Variants in DNA2 observed in about 807,000 individuals in gnomAD.
DNA2 encodes the protein DNA replication helicase/nuclease 2.
A neutral mutation model predicts 119.1 loss-of-function variants in DNA2; 101 were observed. That is an observed-to-expected ratio of 0.85 (90% CI 0.72 to 1.00). DNA2 has a LOEUF of 1.00. DNA2 is among the 50% of genes least tolerant of loss of function. The pLI, the probability that DNA2 is intolerant of heterozygous loss-of-function variation, is 0.00. For missense variants in DNA2, 1,121 were observed against 1,255.5 expected (o/e 0.89, Z 1.62); for synonymous variants, 366 against 424.4 (o/e 0.86, Z 1.69).
At chr10:68,440,297 T>C (rs1349647830) in intron 9 of DNA2, among the ~76,000 whole-genome samples, 1 of 152,010 alleles carries the variant, frequency 6.6e-6, no homozygotes, top group Non-Finnish European at 1.5e-5. Context: ...TTTTATTTTT[T>C]ATTTATTTAT....
At chr10:68,435,668 AG>A (rs1332667206) in intron 10 of DNA2, among the ~76,000 whole-genome samples, 1 of 143,148 alleles carries the variant, frequency 7.0e-6, no homozygotes, top group African/African-American at 2.6e-5. Context: ...CGTGTTAGCC[AG>A]GATGGTCTTG....
At chr10:68,445,659 C>T (rs1371118237) in intron 7 of DNA2, among the ~76,000 whole-genome samples, 7 of 151,822 alleles carry the variant, frequency 4.6e-5, no homozygotes, top group African/African-American at 1.7e-4. Context: ...CTATATATTT[C>T]GTAACTAGTA....
intron 4 of DNA2, chr10:68,461,327 T>C (rs1415405834): frequency 6.6e-6 from 1 of 152,204 alleles, no homozygotes; most frequent in African/African-American, 2.4e-5. Context: ...TAGAAATATT[T>C]TGAATGCAGA....
intron 14 of DNA2, among the ~76,000 whole-genome samples, chr10:68,426,330 A>C (rs1258976187): frequency 6.7e-6 from 1 of 149,826 alleles, no homozygotes; most frequent in African/African-American, 2.5e-5. Context: ...CTGAGGTCAG[A>C]AGTTTGAGAC....
chr10:68,423,597 AAACAGG>A, intron 14 of DNA2, among the ~76,000 whole-genome samples: 1 of 152,220 alleles, frequency 6.6e-6, no homozygotes, highest in Admixed American at 6.5e-5. Flanking sequence ...AGACACCAGC[AAACAGG>A]GAGGAGGGTA....
intron 4 of DNA2, among the ~76,000 whole-genome samples, chr10:68,461,731 G>T (rs61855137): frequency 0.092 from 13,936 of 151,438 alleles, 936 homozygotes; most frequent in South Asian, 0.24. Flanking sequence ...GGGAGGCTGA[G>T]GCAAGATAAT....
chr10:68,459,229 G>A lies in DNA2; in HGVS notation c.594C>T (p.Arg198=), dbSNP rs1233665490. Residue 198 remains arginine, a synonymous_variant, in exon 5 of 21, where the codon CGC becomes CGT. Transcript: ENST00000358410. ...QEIRHLKEMY[R]LNLSQDEIKQ... The stretch of plus-strand genomic sequence containing the variant: ...TTATTTCATCTTGACTTAGATTTAA[G>A]CGGTACCTGCCAAAAATATAATAGT... The A allele has an allele frequency of 6.5e-7, 1 of 1,548,376 alleles. No individual in the cohort carries two copies. The highest frequency in any genetic ancestry group is 1.2e-5 in the South Asian group (1 of 82,146).
intron 19 of DNA2, among the ~76,000 whole-genome samples, chr10:68,418,509 G>T (rs2051621797): frequency 6.7e-6 from 1 of 148,960 alleles, no homozygotes; most frequent in African/African-American, 2.5e-5. Context: ...TACATCTGCA[G>T]AACGTGCAGT....
chr10:68,415,697 C>A (rs1043401942), intron 20 of DNA2, among the ~76,000 whole-genome samples: 2 of 152,008 alleles, frequency 1.3e-5, no homozygotes, highest in East Asian at 1.9e-4. Flanking sequence ...GAGACGGAGT[C>A]TCGCTCTGCC....
chr10:68,439,097 A>G (rs2051931305), intron 9 of DNA2, among the ~76,000 whole-genome samples: 1 of 151,710 alleles, frequency 6.6e-6, no homozygotes, highest in Non-Finnish European at 1.5e-5. Flanking sequence ...TACGTTTTAC[A>G]TAAAAAAACA....
At chr10:68,453,270 T>A (rs1185581230) in intron 5 of DNA2, among the ~76,000 whole-genome samples, 1 of 152,192 alleles carries the variant, frequency 6.6e-6, no homozygotes, top group East Asian at 1.9e-4. Flanking sequence ...CTACAAAATT[T>A]GGTATGTAAC....
intron 4 of DNA2, among the ~76,000 whole-genome samples, chr10:68,462,275 G>A (rs2052269910): frequency 6.6e-6 from 1 of 152,082 alleles, no homozygotes; most frequent in Non-Finnish European, 1.5e-5. Flanking sequence ...AGGAGGCTGA[G>A]GCAGGAGAAT....
intron 9 of DNA2, among the ~76,000 whole-genome samples, chr10:68,441,275 A>G (rs1288215232): frequency 6.6e-6 from 1 of 151,170 alleles, no homozygotes; most frequent in East Asian, 1.9e-4. Context: ...TCGAGGCTAC[A>G]GTGAGCCATG....
chr10:68,462,374 C>T (rs1306572893), intron 4 of DNA2, among the ~76,000 whole-genome samples: 2 of 152,138 alleles, frequency 1.3e-5, no homozygotes, highest in Non-Finnish European at 2.9e-5. Flanking sequence ...GTCTCAATAA[C>T]AACCACAGCA....
At chr10:68,440,351 A>T (rs898429064) in intron 9 of DNA2, among the ~76,000 whole-genome samples, 3 of 151,978 alleles carry the variant, frequency 2.0e-5, no homozygotes, top group Admixed American at 1.3e-4. Context: ...AGGCTGGAGT[A>T]TAGTGGCACA....
chr10:68,432,490 T>C lies in DNA2; in HGVS notation c.1667A>G (p.Glu556Gly). 1 of 1,566,010 alleles carries C rather than the reference T, an allele frequency of 6.4e-7. No homozygotes were observed. The highest frequency in any genetic ancestry group is 8.7e-7 in the Non-Finnish European group (1 of 1,154,880). The change falls in exon 11 of 21, where the codon GAA becomes GGA. Residue 556 changes from glutamate (E) to glycine (G), a missense_variant. Transcript: ENST00000358410. Reference sequence around the variant, plus strand: ...TTGGTCTAATCTGAACAAAGTTGATTCTGGAAGGACCGACAAGTTTCTAAA... The same window carrying C: ...TTGGTCTAATCTGAACAAAGTTGATCCTGGAAGGACCGACAAGTTTCTAAA... ...LLDRNLSVLP[E>G]STLFRLDQEE...
chr10:68,432,215 T>C lies in DNA2; in HGVS notation c.1864A>G (p.Ile622Val). The change falls in exon 12 of 21, where the codon ATT becomes GTT. Residue 622 changes from isoleucine to valine, a missense_variant. Ile to Val is a conservative substitution (Grantham distance 29). Transcript: ENST00000358410. ...PHDAKDTVACILKGLNKPQRQ... is the reference protein window; with the variant it reads ...PHDAKDTVACVLKGLNKPQRQ... ...GGTGATTTTAGCATACCCTTTAGAA[T>C]GCAGGCAACTGTATCCTTTGCATCA... 6.3e-7 allele frequency: 1 copy of C among 1,578,182 alleles called. No individual in the cohort carries two copies. The highest frequency in any genetic ancestry group is 8.6e-7 in the Non-Finnish European group (1 of 1,161,304).
chr10:68,448,932 G>GGTGTGTGTGTGTGTGT (rs776191186), intron 6 of DNA2, among the ~76,000 whole-genome samples: 1 of 142,300 alleles, frequency 7.0e-6, no homozygotes, highest in Non-Finnish European at 1.5e-5. Context: ...CACCACACCA[G>GGTGTGTGTGTGTGTGT]GTGTGTGTGT....
intron 5 of DNA2, among the ~76,000 whole-genome samples, chr10:68,455,238 G>A (rs372400967): frequency 3.3e-5 from 5 of 152,044 alleles, no homozygotes; most frequent in South Asian, 2.1e-4. Context: ...ACGCCAGGCC[G>A]ATAAAATTAA....
Sources: allele counts gnomAD v4.1 joint callset (sites outside exome capture counted in the v4.1 genomes callset), GRCh38; gene constraint gnomAD v4.1.1; transcripts MANE v1.5; gene names NCBI Gene and HGNC (gene_info 2026-07-23, HGNC 2026-07-21).